OR2L13: variants seen among roughly 807,000 people sequenced by gnomAD.
OR2L13 encodes olfactory receptor 2L13.
OR2L13 carries 14 observed loss-of-function variants against 15.3 expected under a neutral mutation model. The ratio of observed to expected loss-of-function variants is 0.91; its 90% CI spans 0.60 to 1.43. The LOEUF is 1.43. Ranked by LOEUF, OR2L13 falls within the 40% of genes most tolerant of loss-of-function variation. OR2L13 has a pLI of 0.00. For missense variants in OR2L13, 367 were observed against 387.9 expected (o/e 0.95, Z 0.45); for synonymous variants, 152 against 142.9 (o/e 1.06, Z -0.45).
At chr1:247,954,936 C>T in the OR2L13 span, among the ~76,000 whole-genome samples, 1 of 143,618 alleles carries the variant, frequency 7.0e-6, no homozygotes, top group Non-Finnish European at 1.5e-5. Context: ...GCCATTCATT[C>T]ATTCATTCAA....
chr1:247,949,134 T>C, the OR2L13 span: 1 of 1,614,052 alleles, frequency 6.2e-7, no homozygotes. Flanking sequence ...GTCTATCTCC[T>C]TCACTGGGTG....
the OR2L13 span, among the ~76,000 whole-genome samples, chr1:248,067,228 A>G: frequency 6.6e-6 from 1 of 152,230 alleles, no homozygotes; most frequent in African/African-American, 2.4e-5. Context: ...TCTCAGTATC[A>G]TATTATAGCA....
the OR2L13 span, among the ~76,000 whole-genome samples, chr1:247,959,680 C>A: frequency 9.2e-5 from 14 of 152,146 alleles, no homozygotes; most frequent in Non-Finnish European, 1.8e-4. Context: ...CTTCTCACTT[C>A]ATTTCATTCA....
the OR2L13 span, among the ~76,000 whole-genome samples, chr1:247,986,245 G>A: frequency 6.6e-6 from 1 of 152,174 alleles, no homozygotes; most frequent in Non-Finnish European, 1.5e-5. Flanking sequence ...ATGGTTTTAA[G>A]TCTGACATTT....
the OR2L13 span, chr1:248,039,022 C>T: frequency 6.2e-7 from 1 of 1,614,086 alleles, no homozygotes; most frequent in Non-Finnish European, 8.5e-7. Flanking sequence ...TTCTACTATG[C>T]ACCCTTTGCT....
the OR2L13 span, among the ~76,000 whole-genome samples, chr1:247,976,863 A>C: frequency 6.6e-6 from 1 of 152,182 alleles, no homozygotes; most frequent in Non-Finnish European, 1.5e-5. Context: ...CCTTCATTAC[A>C]TTAAGGATAC....
chr1:248,077,956 A>G, the OR2L13 span, among the ~76,000 whole-genome samples: 12 of 152,252 alleles, frequency 7.9e-5, no homozygotes, highest in African/African-American at 2.4e-4. Flanking sequence ...AAAAGTCAAC[A>G]GTGAAAATAA....
the OR2L13 span, among the ~76,000 whole-genome samples, chr1:247,987,964 T>G: frequency 6.6e-6 from 1 of 152,146 alleles, no homozygotes; most frequent in East Asian, 1.9e-4. Context: ...CTTCTGATTA[T>G]TATTACTACT....
chr1:248,088,368 G>A, the OR2L13 span, among the ~76,000 whole-genome samples: 1 of 151,886 alleles, frequency 6.6e-6, no homozygotes, highest in East Asian at 1.9e-4. Flanking sequence ...AAATGTTTTT[G>A]TGTTTTGTTT....
chr1:248,095,322 T>C (rs529818334), upstream of OR2L13: 10 of 152,306 alleles, frequency 6.6e-5, no homozygotes, highest in Non-Finnish European at 1.3e-4. Flanking sequence ...TCACAAGAGC[T>C]GGTGAAGTTG....
At chr1:248,012,165 A>G in the OR2L13 span, among the ~76,000 whole-genome samples, 1 of 152,058 alleles carries the variant, frequency 6.6e-6, no homozygotes, top group Non-Finnish European at 1.5e-5. Flanking sequence ...GAAATACTCC[A>G]TTTCTACTTC....
chr1:247,994,555 A>G, the OR2L13 span, among the ~76,000 whole-genome samples: 1 of 152,178 alleles, frequency 6.6e-6, no homozygotes, highest in Admixed American at 6.5e-5. Context: ...TTTTGGGTCT[A>G]AAAATAAGTG....
chr1:248,061,294 T>C, the OR2L13 span: 1 of 1,611,644 alleles, frequency 6.2e-7, no homozygotes, highest in Non-Finnish European at 8.5e-7. Context: ...CACCACCATC[T>C]TTCTCGTGTT....
chr1:248,094,128 T>A (rs1664664524), upstream of OR2L13, among the ~76,000 whole-genome samples: 8 of 152,262 alleles, frequency 5.3e-5, no homozygotes, highest in South Asian at 1.7e-3. Flanking sequence ...CCAAATACCC[T>A]TATTTGCTCA....
At chr1:248,053,972 T>C in the OR2L13 span, among the ~76,000 whole-genome samples, 2 of 152,194 alleles carry the variant, frequency 1.3e-5, no homozygotes, top group South Asian at 2.1e-4. Flanking sequence ...TTAGATCCCA[T>C]TTGTCAATTT....
At chr1:247,962,678 A>G in the OR2L13 span, among the ~76,000 whole-genome samples, 1 of 152,162 alleles carries the variant, frequency 6.6e-6, no homozygotes, top group African/African-American at 2.4e-5. Context: ...TTGGCCTCCT[A>G]ATAAACTGCT....
At chr1:247,970,788 A>G in the OR2L13 span, among the ~76,000 whole-genome samples, 1 of 152,310 alleles carries the variant, frequency 6.6e-6, no homozygotes, top group East Asian at 1.9e-4. Flanking sequence ...TTGCAGCCCC[A>G]GATCCCAGGC....
At chr1:248,014,937 C>T in the OR2L13 span, among the ~76,000 whole-genome samples, 1 of 152,176 alleles carries the variant, frequency 6.6e-6, no homozygotes, top group Non-Finnish European at 1.5e-5. Context: ...AGCACATCCT[C>T]ATCCCAAAAT....
At chr1:247,974,238 A>G in the OR2L13 span, among the ~76,000 whole-genome samples, 1 of 152,184 alleles carries the variant, frequency 6.6e-6, no homozygotes, top group Non-Finnish European at 1.5e-5. Flanking sequence ...ACGTGGACAC[A>G]TGGAGGGGAA....
Sources: allele counts gnomAD v4.1 joint callset (sites outside exome capture counted in the v4.1 genomes callset), GRCh38; gene constraint gnomAD v4.1.1; transcripts MANE v1.5; gene names NCBI Gene and HGNC (gene_info 2026-07-23, HGNC 2026-07-21).